ANKRD44: variants seen among roughly 807,000 people sequenced by gnomAD.
The protein encoded by ANKRD44 is serine/threonine-protein phosphatase 6 regulatory ankyrin repeat subunit B.
In ANKRD44, 35 loss-of-function variants were observed where a neutral mutation model predicts 116.0. The observed-to-expected ratio is 0.30, with a 90% confidence interval of 0.23 to 0.40. ANKRD44 has a LOEUF of 0.40. Among genes scored for constraint, ANKRD44 ranks in the 10% least tolerant of loss-of-function variants. ANKRD44 has a pLI of 1.00. For missense variants in ANKRD44, 1,014 were observed against 1,242.6 expected, an observed-to-expected ratio of 0.82 and a Z score of 2.77; for synonymous variants, 435 against 461.8, an observed-to-expected ratio of 0.94 and a Z score of 0.74.
chr2:197,023,538 G>C (rs968697818), intron 17 of ANKRD44, among the ~76,000 whole-genome samples: 2 of 151,948 alleles, frequency 1.3e-5, no homozygotes, highest in African/African-American at 4.8e-5. Flanking sequence ...GAGTTTAGCA[G>C]AGTACACAAT....
At chr2:197,071,775 T>C (rs1044514658) in intron 16 of ANKRD44, among the ~76,000 whole-genome samples, 1 of 152,224 alleles carries the variant, frequency 6.6e-6, no homozygotes, top group African/African-American at 2.4e-5. Flanking sequence ...CTACCAATTG[T>C]TGAGAGAGAG....
At chr2:197,056,242 A>G (rs986597120) in intron 16 of ANKRD44, among the ~76,000 whole-genome samples, 8 of 152,150 alleles carry the variant, frequency 5.3e-5, no homozygotes, top group East Asian at 3.9e-4. Context: ...TACCCTTTGC[A>G]TGTCTGTATA....
chr2:197,172,732 T>C (rs1175639089), intron 2 of ANKRD44, among the ~76,000 whole-genome samples: 1 of 152,004 alleles, frequency 6.6e-6, no homozygotes, highest in Non-Finnish European at 1.5e-5. Context: ...ACCCAGCTAA[T>C]TTTTTGTATT....
Position 197,000,514 on chromosome 2 carries a change from A to C in ANKRD44, c.2436-12T>G. On this transcript the variant is annotated splice_polypyrimidine_tract_variant and intron_variant, in intron 22 of 27. Transcript: ENST00000282272. ...CATGATCATTGATTCTAAAATGAAA[A>C]TGGGTTTTAATGTAACAATCTCACT... 1 of 1,603,618 alleles carries C rather than the reference A, an allele frequency of 6.2e-7. No individual in the cohort carries two copies. Among genetic ancestry groups the C allele is most frequent in the Non-Finnish European group, 8.5e-7 (1 of 1,170,524 alleles).
intron 1 of ANKRD44, among the ~76,000 whole-genome samples, chr2:197,223,903 C>T (rs189450586): frequency 2.6e-5 from 4 of 152,258 alleles, no homozygotes. Flanking sequence ...GACAAAACAA[C>T]TTTTAAGATA....
intron 1 of ANKRD44, among the ~76,000 whole-genome samples, chr2:197,288,267 A>C (rs1188858061): frequency 6.6e-6 from 1 of 152,200 alleles, no homozygotes; most frequent in Non-Finnish European, 1.5e-5. Context: ...AAAAGCACAT[A>C]GAAACTTCAT....
At chr2:197,043,998 G>A (rs1025614419) in intron 16 of ANKRD44, among the ~76,000 whole-genome samples, 1 of 152,172 alleles carries the variant, frequency 6.6e-6, no homozygotes, top group African/African-American at 2.4e-5. Flanking sequence ...CAAGGGATCA[G>A]TGATCAAACA....
At chr2:197,112,589 T>C (rs888748133) in intron 8 of ANKRD44, among the ~76,000 whole-genome samples, 1 of 151,722 alleles carries the variant, frequency 6.6e-6, no homozygotes, top group African/African-American at 2.4e-5. Flanking sequence ...GGGCCTGTAG[T>C]CCTAGCTGCT....
At chr2:197,000,806 G>A (rs900704839) in intron 22 of ANKRD44, among the ~76,000 whole-genome samples, 4 of 152,202 alleles carry the variant, frequency 2.6e-5, no homozygotes, top group African/African-American at 9.7e-5. Flanking sequence ...TTGGGAGGCT[G>A]AGGCAGGTGG....
downstream of ANKRD44, chr2:196,986,528 T>A (rs1166931202): frequency 1.8e-5 from 4 of 224,916 alleles, no homozygotes; most frequent in Non-Finnish European, 3.0e-5. Flanking sequence ...AACACAAACA[T>A]AAATCGTGAA....
Position 197,289,561 on chromosome 2 carries a change from A to G in ANKRD44, c.27+21017T>C, listed in dbSNP as rs145905641. Among the ~76,000 whole-genome samples the G allele has an allele frequency of 2.2e-3, 331 of 152,366 alleles. 2 individuals carry two copies. The highest frequency in any genetic ancestry group is 6.8e-3 in the Middle Eastern group (2 of 294). ...GCAATAAGAAAGATTTTATCTCCTT[A>G]TACACAAAACATGAACGAATCTCAA... On this transcript the variant is annotated intron_variant, in intron 1 of 27. Transcript: ENST00000282272.
At chr2:197,252,662 C>T (rs2082349353) in intron 1 of ANKRD44, among the ~76,000 whole-genome samples, 2 of 152,330 alleles carry the variant, frequency 1.3e-5, no homozygotes, top group East Asian at 1.9e-4. Flanking sequence ...CCACCTCAGC[C>T]TGTCTCACGC....
chr2:197,293,695 C>T (rs1030533982), intron 1 of ANKRD44, among the ~76,000 whole-genome samples: 1 of 152,178 alleles, frequency 6.6e-6, no homozygotes, highest in Non-Finnish European at 1.5e-5. Context: ...GAATGAAGTT[C>T]CACGGTCTTC....
intron 1 of ANKRD44, among the ~76,000 whole-genome samples, chr2:197,310,010 G>C (rs1332386716): frequency 6.6e-6 from 1 of 152,306 alleles, no homozygotes; most frequent in Non-Finnish European, 1.5e-5. Flanking sequence ...CGATCCGAAA[G>C]GGCGGTCTCC....
In ANKRD44 at chr2:197,212,681, A is replaced by G. The variant is rs962299812; in HGVS notation, c.28-25575T>C. Among the ~76,000 whole-genome samples the G allele has an allele frequency of 6.6e-6, 1 of 152,208 alleles. No individual in the cohort carries two copies. Among genetic ancestry groups the G allele is most frequent in the Non-Finnish European group, 1.5e-5 (1 of 68,030 alleles). ...CAGGCTCTCACAGAAGAACTTCTAC[A>G]TGAGTAAAAATTCTGCATCACAGCA... On this transcript the variant is annotated intron_variant, in intron 1 of 27. Coordinates refer to ENST00000282272, the MANE Select transcript of ANKRD44 (RefSeq NM_001195144.2). This position sits in a 1 kb window ranked among gnomAD's most constrained non-coding sequence, Gnocchi z 4.8.
rs192408347 is a variant in ANKRD44 at position 197,284,042 on chromosome 2, G to A, written c.27+26536C>T. Among the ~76,000 whole-genome samples the A allele has an allele frequency of 8.8e-4, 134 of 152,278 alleles. 4 individuals carry two copies. In the South Asian group the frequency reaches 0.021, roughly 24 times the overall value. ...CTCCCCGTTTGCTGGATCTATCTAT[G>A]AATAGGGTGCTGACCTCTAATTTAC... On this transcript the variant is annotated intron_variant, in intron 1 of 27. Coordinates refer to ENST00000282272, the MANE Select transcript of ANKRD44 (RefSeq NM_001195144.2).
In ANKRD44 at chr2:197,009,018, G is replaced by A; in HGVS notation, c.1938C>T (p.His646=). Residue 646 remains histidine (H), a synonymous_variant, in exon 19 of 28, where the codon CAC becomes CAT. Transcript: ENST00000282272. Reference sequence around the variant, plus strand: ...CTAGCAACAGCCGTAAACACAGTGTGTGACCATTAATTACTGAAAAAGAAA... The same window carrying A: ...CTAGCAACAGCCGTAAACACAGTGTATGACCATTAATTACTGAAAAAGAAA... The part of the protein sequence containing the change: ...TPLHASVING[H]TLCLRLLLEI... 1.2e-6 allele frequency: 2 copies of A among 1,614,044 alleles called. No individual in the cohort carries two copies. The highest frequency in any genetic ancestry group is 1.7e-6 in the Non-Finnish European group (2 of 1,179,922).
chr2:197,279,382 C>T (rs1367358362), intron 1 of ANKRD44, among the ~76,000 whole-genome samples: 1 of 152,144 alleles, frequency 6.6e-6, no homozygotes, highest in Non-Finnish European at 1.5e-5. Context: ...TTAGATTATT[C>T]ATCCTAAAAC....
At chr2:197,258,269 C>A (rs1249434713) in intron 1 of ANKRD44, among the ~76,000 whole-genome samples, 43 of 86,748 alleles carry the variant, frequency 5.0e-4, no homozygotes, top group African/African-American at 2.5e-3. Flanking sequence ...CTTGGCTAAT[C>A]CTTTTTTTTT....
Sources: gnomAD v4.1 joint callset for allele counts (sites outside exome capture counted in the v4.1 genomes callset) on GRCh38, gnomAD v4.1.1 for gene constraint, Gnocchi (gnomAD v3.1) non-coding constraint, MANE v1.5 for transcripts, NCBI Gene and HGNC (gene_info 2026-07-23, HGNC 2026-07-21) for gene names.